DAAM2: variants seen among roughly 807,000 people sequenced by gnomAD.
DAAM2 encodes the protein disheveled-associated activator of morphogenesis 2.
Under a neutral mutation model 120.7 loss-of-function variants are expected in DAAM2, and 39 were observed. The observed-to-expected ratio is 0.32, with a 90% CI of 0.25 to 0.42. The LOEUF is 0.42. Among genes scored for constraint, DAAM2 ranks in the 10% least tolerant of loss-of-function variants. The pLI is 1.00. For synonymous variants in DAAM2, 488 were observed against 524.9 expected (o/e 0.93, Z 0.96); for missense variants, 1,283 against 1,401.7 (o/e 0.92, Z 1.35).
intron 18 of DAAM2, 89 bp downstream of exon 18, chr6:39,891,536 G>T (rs984642141): frequency 2.7e-6 from 4 of 1,509,250 alleles, no homozygotes; most frequent in South Asian, 1.2e-5. Flanking sequence ...GGGGATGGAG[G>T]TGGGCAGGCT....
At chr6:39,873,210 C>T (rs1213789279) in intron 9 of DAAM2, 28 bp from the exon 10 acceptor site, 3 of 1,461,816 alleles carry the variant, frequency 2.1e-6, no homozygotes, top group South Asian at 1.2e-5. Flanking sequence ...TGCCTACCCA[C>T]TGATCACTGT....
chr6:39,801,696 A>G (rs1269325793), intron 1 of DAAM2, among the ~76,000 whole-genome samples: 2 of 152,202 alleles, frequency 1.3e-5, no homozygotes, highest in Admixed American at 6.5e-5. Flanking sequence ...CAGGTTATGT[A>G]CACCCATTGT....
intron 15 of DAAM2, chr6:39,887,247 A>G: frequency 2.2e-6 from 1 of 446,428 alleles, no homozygotes. Context: ...AAATAAAAAA[A>G]ATAGGAAGGG....
chr6:39,854,350 G>T (rs547861855), intron 1 of DAAM2, among the ~76,000 whole-genome samples: 167 of 152,250 alleles, frequency 1.1e-3, no homozygotes, highest in African/African-American at 3.7e-3. Context: ...TATAGAAATG[G>T]GGATGGCTGT....
chr6:39,832,117 A>G (rs527360543), intron 1 of DAAM2, among the ~76,000 whole-genome samples: 21 of 150,678 alleles, frequency 1.4e-4, no homozygotes, highest in Admixed American at 2.6e-4. Flanking sequence ...CAGGTACGCT[A>G]GGGAGGCAGG....
rs549977113 is a variant in DAAM2, at chr6:39,894,630, T to A, written c.2342-2182T>A. Among the ~76,000 whole-genome samples, 9 of 151,930 alleles carry A rather than the reference T, an allele frequency of 5.9e-5. No individual in the cohort carries two copies. In the East Asian group the frequency reaches 1.6e-3, roughly 26 times the overall value. On this transcript the variant is annotated intron_variant, in intron 19 of 24. Transcript: ENST00000274867. ...CTTTATTTTTTAAATTTTTACCTAT[T>A]TTCTTTTTGAGACAGGGTCCTGCCC...
intron 1 of DAAM2, among the ~76,000 whole-genome samples, chr6:39,845,978 G>C (rs973920042): frequency 6.6e-6 from 1 of 152,100 alleles, no homozygotes; most frequent in Non-Finnish European, 1.5e-5. Context: ...TAGGAAAGGG[G>C]GAAATGAGAG....
At chr6:39,854,877 A>G (rs1441605074) in intron 1 of DAAM2, among the ~76,000 whole-genome samples, 1 of 152,192 alleles carries the variant, frequency 6.6e-6, no homozygotes, top group Non-Finnish European at 1.5e-5. Context: ...GAGAGTATTG[A>G]TGAAACTTCC....
chr6:39,794,459 C>T (rs560044411), intron 1 of DAAM2, among the ~76,000 whole-genome samples: 1 of 152,330 alleles, frequency 6.6e-6, no homozygotes, highest in East Asian at 1.9e-4. Flanking sequence ...TGAGGGAATA[C>T]TCGTGCCCCC....
chr6:39,840,237 C>T (rs1407797802), intron 1 of DAAM2, among the ~76,000 whole-genome samples: 1 of 152,078 alleles, frequency 6.6e-6, no homozygotes, highest in Non-Finnish European at 1.5e-5. Flanking sequence ...AAAAAACAAA[C>T]AAACAAACAA....
intron 8 of DAAM2, 90 bp from the exon 9 acceptor site, chr6:39,871,416 C>A: frequency 1.7e-6 from 2 of 1,206,398 alleles, no homozygotes; most frequent in Non-Finnish European, 2.4e-6. Context: ...TCAGATTTAG[C>A]CAGTGGGGGG....
intron 1 of DAAM2, among the ~76,000 whole-genome samples, chr6:39,812,124 G>T (rs1431193269): frequency 6.6e-6 from 1 of 152,206 alleles, no homozygotes; most frequent in East Asian, 1.9e-4. Context: ...AAGCCTGGTT[G>T]CTGCGGACCC....
At chr6:39,845,538 A>G (rs1763552870) in intron 1 of DAAM2, among the ~76,000 whole-genome samples, 1 of 151,646 alleles carries the variant, frequency 6.6e-6, no homozygotes, top group South Asian at 2.1e-4. Context: ...ACCTACACAT[A>G]CATAAACATA....
chr6:39,871,649 C>G (rs989985960), intron 9 of DAAM2, 77 bp downstream of exon 9: 3 of 1,364,544 alleles, frequency 2.2e-6, no homozygotes, highest in Admixed American at 2.0e-5. Context: ...TTTTCTAGAC[C>G]CCGTGTTGTG....
rs1256205031 is a variant in DAAM2 at position 39,904,484 on chromosome 6, A to G, written c.*2447A>G. 2.2e-6 allele frequency: 1 copy of G among 454,332 alleles called. No individual in the cohort carries two copies. Among genetic ancestry groups the G allele is most frequent in the Non-Finnish European group, 4.4e-6 (1 of 226,968 alleles). 28.1% of individuals were successfully genotyped at this position (454,332 alleles called of 1,614,324 possible). A position where few individuals can be genotyped will look rare whatever the true frequency, so the allele number is the denominator to read the frequency against. On this transcript the variant is annotated 3_prime_UTR_variant, in exon 25 of 25. Transcript: ENST00000274867. ...CCTCCCCACTGCTCCTGCCACCTTT[A>G]GATAAGTTTCTCTAGCTAATTTTGT...
chr6:39,878,664 C>T lies in DAAM2; in HGVS notation c.1545+76C>T, dbSNP rs1380067271. The T allele has an allele frequency of 5.4e-5, 78 of 1,455,714 alleles. No individual in the cohort carries two copies. The highest frequency in any genetic ancestry group is 2.4e-4 in the Middle Eastern group (1 of 4,140). The allele number at this position is 1,455,714 out of a possible 1,614,324, so 90.2% of individuals were successfully genotyped here. On this transcript the variant is annotated intron_variant, in intron 13 of 24. Transcript: ENST00000274867. The surrounding 1 kb of genome is among the most constrained non-coding windows in gnomAD (Gnocchi z 5.0). ...AGGACTGGGTGGGCAGAGCAGGTGTCGGAGAGGCCAAGGACCCCAGCATGA... is the reference window on the plus strand; with the variant it reads ...AGGACTGGGTGGGCAGAGCAGGTGTTGGAGAGGCCAAGGACCCCAGCATGA...
At chr6:39,846,573 G>C (rs1477450404) in intron 1 of DAAM2, among the ~76,000 whole-genome samples, 1 of 152,014 alleles carries the variant, frequency 6.6e-6, no homozygotes, top group Non-Finnish European at 1.5e-5. Flanking sequence ...ACTCTACGAC[G>C]CCTCCTCTAA....
At chr6:39,831,745 G>A (rs1043046355) in intron 1 of DAAM2, among the ~76,000 whole-genome samples, 58 of 136,590 alleles carry the variant, frequency 4.2e-4, no homozygotes, top group African/African-American at 1.6e-3. Context: ...CAGGTGCACT[G>A]TGGGGACAGG....
intron 1 of DAAM2, among the ~76,000 whole-genome samples, chr6:39,826,883 A>G (rs952818439): frequency 1.3e-4 from 20 of 152,188 alleles, no homozygotes; most frequent in Non-Finnish European, 2.6e-4. Flanking sequence ...TTCAAGCTTC[A>G]AAGAGAAAAT....
Sources: gnomAD v4.1 joint callset for allele counts (sites outside exome capture counted in the v4.1 genomes callset) on GRCh38, gnomAD v4.1.1 for gene constraint, Gnocchi (gnomAD v3.1) non-coding constraint, MANE v1.5 for transcripts, NCBI Gene and HGNC (gene_info 2026-07-23, HGNC 2026-07-21) for gene names.